PTPN13: variants seen among roughly 807,000 people sequenced by gnomAD.
PTPN13 encodes the protein tyrosine-protein phosphatase non-receptor type 13.
A neutral mutation model predicts 284.0 loss-of-function variants in PTPN13; 191 were observed. The observed-to-expected ratio is 0.67, with a 90% CI of 0.60 to 0.76. PTPN13 has a LOEUF of 0.76. Among genes scored for constraint, PTPN13 ranks in the 30% least tolerant of loss-of-function variants. PTPN13 has a pLI of 0.00. For missense variants in PTPN13, 2,797 were observed against 2,939.9 expected, an observed-to-expected ratio of 0.95 and a Z score of 1.12; for synonymous variants, 986 against 1,022.3, an observed-to-expected ratio of 0.96 and a Z score of 0.68.
intron 43 of PTPN13, among the ~76,000 whole-genome samples, chr4:86,804,438 G>C (rs1031924099): frequency 6.6e-6 from 1 of 152,116 alleles, no homozygotes; most frequent in Non-Finnish European, 1.5e-5. Flanking sequence ...GTTCTGCTTT[G>C]TGCTTGTTGC....
intron 16 of PTPN13, 39 bp from the exon 17 acceptor site, chr4:86,744,927 A>C: frequency 7.1e-7 from 1 of 1,407,018 alleles, no homozygotes; most frequent in Non-Finnish European, 9.7e-7. Context: ...TAATATCTCT[A>C]CTTACTATAA....
intron 2 of PTPN13, among the ~76,000 whole-genome samples, chr4:86,649,609 A>G (rs10030525): frequency 0.17 from 25,443 of 152,078 alleles, 2,451 homozygotes; most frequent in East Asian, 0.29. Flanking sequence ...TGTTAATACC[A>G]TGCTGTTTTG....
intron 20 of PTPN13, among the ~76,000 whole-genome samples, chr4:86,756,516 A>G (rs752433323): frequency 6.6e-6 from 1 of 151,982 alleles, no homozygotes; most frequent in African/African-American, 2.4e-5. Context: ...AATTACCACT[A>G]CTCTTATTGC....
intron 31 of PTPN13, 109 bp from the exon 32 acceptor site, chr4:86,772,669 A>G (rs139055813): frequency 2.9e-5 from 26 of 903,814 alleles, no homozygotes; most frequent in Middle Eastern, 2.2e-4. Context: ...TAGGATCTCA[A>G]TCAAAATCAG....
intron 9 of PTPN13, among the ~76,000 whole-genome samples, chr4:86,718,141 A>G (rs1055264850): frequency 6.6e-6 from 1 of 152,188 alleles, no homozygotes; most frequent in Non-Finnish European, 1.5e-5. Context: ...AGTTAATGCT[A>G]AGCATTAATT....
At chr4:86,722,109 T>C (rs899061027) in intron 9 of PTPN13, 103 bp from the exon 10 acceptor site, 6 of 902,738 alleles carry the variant, frequency 6.6e-6, no homozygotes, top group Non-Finnish European at 1.0e-5. Context: ...AAAATAAAAT[T>C]TGTTTAAACT....
At chr4:86,802,086 A>G (rs1459062404) in intron 42 of PTPN13, among the ~76,000 whole-genome samples, 3 of 151,084 alleles carry the variant, frequency 2.0e-5, no homozygotes, top group East Asian at 1.9e-4. Flanking sequence ...ATGTGCTGCA[A>G]TTTTTTCATC....
At chr4:86,675,031 G>T (rs1247560273) in intron 3 of PTPN13, among the ~76,000 whole-genome samples, 1 of 152,148 alleles carries the variant, frequency 6.6e-6, no homozygotes, top group Admixed American at 6.5e-5. Flanking sequence ...AATTTGGGAT[G>T]CACAAGTGCT....
chr4:86,634,419 T>C (rs539008370), intron 1 of PTPN13, among the ~76,000 whole-genome samples: 2 of 152,314 alleles, frequency 1.3e-5, no homozygotes, highest in South Asian at 2.1e-4. Context: ...TTAAGCCCCA[T>C]AGAAAATCTT....
At position 86,750,606 on chromosome 4, in the gene PTPN13, T is replaced by C; in HGVS notation, c.2787T>C (p.Ala929=). 6.2e-7 allele frequency: 1 copy of C among 1,613,918 alleles called. No individual in the cohort carries two copies. Residue 929 remains alanine (A), a synonymous_variant, in exon 18 of 48, where the codon GCT becomes GCC. Transcript: ENST00000411767. ...KLAVRPLSVQ[A]EILKRLSCSE... ...CTGTTCGACCTTTATCAGTTCAAGC[T>C]GAGATTCTGAAGAGGCTATCCTGCT...
chr4:86,622,576 C>T (rs1396416244), intron 1 of PTPN13, among the ~76,000 whole-genome samples: 1 of 152,120 alleles, frequency 6.6e-6, no homozygotes, highest in African/African-American at 2.4e-5. Flanking sequence ...AAGAGATATA[C>T]AGTGTATAGA....
intron 2 of PTPN13, among the ~76,000 whole-genome samples, chr4:86,669,258 A>G (rs1428558130): frequency 7.0e-6 from 1 of 142,962 alleles, no homozygotes; most frequent in Non-Finnish European, 1.5e-5. Context: ...TCTATTAGCA[A>G]ATGACCTGTA....
intron 17 of PTPN13, among the ~76,000 whole-genome samples, chr4:86,745,751 G>A (rs554408814): frequency 2.6e-5 from 4 of 152,138 alleles, no homozygotes; most frequent in African/African-American, 9.6e-5. Context: ...ACTCCAACCT[G>A]GGCGACAGTG....
intron 40 of PTPN13, 132 bp downstream of exon 40, chr4:86,786,068 A>G (rs375674204): frequency 2.3e-6 from 1 of 440,662 alleles, no homozygotes; most frequent in African/African-American, 2.0e-5. Context: ...AACGGAGATT[A>G]ATTTCATGTG....
chr4:86,749,056 G>A (rs1737103581), intron 17 of PTPN13, among the ~76,000 whole-genome samples: 1 of 152,126 alleles, frequency 6.6e-6, no homozygotes, highest in South Asian at 2.1e-4. Flanking sequence ...AGAGATCATT[G>A]AATTTTCCTA....
intron 7 of PTPN13, among the ~76,000 whole-genome samples, chr4:86,704,921 C>CA (rs1262389546): frequency 1.3e-5 from 2 of 152,184 alleles, no homozygotes; most frequent in Non-Finnish European, 2.9e-5. Flanking sequence ...CTTTAGACTA[C>CA]AGGCATTAAT....
At chr4:86,740,041 G>C (rs1474733710) in intron 15 of PTPN13, among the ~76,000 whole-genome samples, 2 of 152,202 alleles carry the variant, frequency 1.3e-5, no homozygotes, top group Non-Finnish European at 2.9e-5. Context: ...GTAGGGTATA[G>C]ACCCCTCCTG....
rs1269327697 is a variant in PTPN13, at chr4:86,758,192, TAAAAC to T, written c.3224-65_3224-61del. 5 of 1,126,340 alleles carry T rather than the reference TAAAAC, an allele frequency of 4.4e-6. No individual in the cohort carries two copies. The African/African-American group carries it at 4.7e-5, about 11-fold the overall frequency. 69.8% of individuals were successfully genotyped at this position (1,126,340 alleles called of 1,614,324 possible). Reference sequence around the variant, plus strand: ...CACACTTTGTTAACATTTAAATTGTTAAAACAAGCTGACAGTCTTAATGCCTGAGC... The same window carrying T: ...CACACTTTGTTAACATTTAAATTGTTAAGCTGACAGTCTTAATGCCTGAGC... On this transcript the variant is annotated intron_variant, in intron 20 of 47. Transcript: ENST00000411767.
intron 20 of PTPN13, among the ~76,000 whole-genome samples, chr4:86,753,300 T>C (rs911002160): frequency 6.6e-6 from 1 of 152,118 alleles, no homozygotes; most frequent in Non-Finnish European, 1.5e-5. Context: ...GAAGCTAAGA[T>C]AATAGTTCAG....
Sources: allele counts gnomAD v4.1 joint callset (sites outside exome capture counted in the v4.1 genomes callset), GRCh38; gene constraint gnomAD v4.1.1; transcripts MANE v1.5; gene names NCBI Gene and HGNC (gene_info 2026-07-23, HGNC 2026-07-21).